ADAMTS2: variants seen among roughly 807,000 people sequenced by gnomAD.
The protein encoded by ADAMTS2 is A disintegrin and metalloproteinase with thrombospondin motifs 2.
A neutral mutation model predicts 123.0 loss-of-function variants in ADAMTS2; 50 were observed. The ratio of observed to expected loss-of-function variants is 0.41; its 90% CI spans 0.32 to 0.51. The LOEUF (loss-of-function observed/expected upper bound fraction) is 0.51. ADAMTS2 is among the 20% of genes least tolerant of loss of function. The pLI is 0.35. For missense variants in ADAMTS2, 1,494 were observed against 1,705.2 expected, an observed-to-expected ratio of 0.88 and a Z score of 2.18; for synonymous variants, 678 against 695.4, an observed-to-expected ratio of 0.98 and a Z score of 0.39.
chr5:179,232,501 A>G (rs528623081), intron 3 of ADAMTS2, among the ~76,000 whole-genome samples: 1 of 152,340 alleles, frequency 6.6e-6, no homozygotes, highest in South Asian at 2.1e-4. Flanking sequence ...GAACCCTGGC[A>G]TGGCTACCAA....
At position 179,132,846 on chromosome 5, in the gene ADAMTS2, C is replaced by A. The variant is rs574735794; in HGVS notation, c.2140G>T (p.Val714Leu). The A allele has an allele frequency of 1.9e-6, 3 of 1,614,068 alleles. No individual in the cohort carries two copies. The highest frequency in any genetic ancestry group is 2.5e-6 in the Non-Finnish European group (3 of 1,180,012). ...GSSKQEDKCGVCGGDNSHCKV... is the reference protein window; with the variant it reads ...GSSKQEDKCGLCGGDNSHCKV... ...CAGTGGCTGTTGTCCCCTCCGCACA[C>A]GCCACACTTGTCTTCCTGCTTGCTG... The change falls in exon 14 of 22, where the codon GTG becomes TTG. Residue 714 changes from valine to leucine, a missense_variant. This residue lies in a region of ADAMTS2 where 953 missense variants were observed against 1,124.7 expected (regional missense o/e 0.85). Transcript: ENST00000251582. This position sits in a 1 kb window ranked among gnomAD's most constrained non-coding sequence, Gnocchi z 6.1.
chr5:179,223,320 ACACT>A (rs1765172767), intron 3 of ADAMTS2, among the ~76,000 whole-genome samples: 1 of 150,826 alleles, frequency 6.6e-6, no homozygotes, highest in Non-Finnish European at 1.5e-5. Context: ...ACACACATGC[ACACT>A]CACACAAATG....
At chr5:179,172,695 G>T (rs932159190) in intron 5 of ADAMTS2, among the ~76,000 whole-genome samples, 2 of 152,208 alleles carry the variant, frequency 1.3e-5, no homozygotes, top group African/African-American at 4.8e-5. Context: ...ACGTGCCAAG[G>T]GAAAGCATGA....
At chr5:179,131,963 GAGGGACACATGTTTTGC>G (rs1356164848) in intron 15 of ADAMTS2, among the ~76,000 whole-genome samples, 2 of 152,218 alleles carry the variant, frequency 1.3e-5, no homozygotes, top group African/African-American at 4.8e-5. Flanking sequence ...CCTGTAGACT[GAGGGACACATGTTTTGC>G]ATATATGTCC....
intron 4 of ADAMTS2, among the ~76,000 whole-genome samples, chr5:179,206,606 G>A (rs545763131): frequency 1.4e-4 from 22 of 152,208 alleles, no homozygotes; most frequent in Admixed American, 5.9e-4. Context: ...ATTCCAGGCC[G>A]TGCCCTGGTC....
rs1480384979 is a variant in ADAMTS2 at position 179,128,754 on chromosome 5, C to T, written c.2458-636G>A. On this transcript the variant is annotated intron_variant, in intron 16 of 21. Transcript: ENST00000251582. This position sits in a 1 kb window ranked among gnomAD's most constrained non-coding sequence, Gnocchi z 4.9. ...TTTACTGTGATTCATTAACACTGAA[C>T]TCACAGTCAATCGCACTGCAGCCCA... Among the ~76,000 whole-genome samples the T allele has an allele frequency of 6.6e-6, 1 of 152,176 alleles. No individual in the cohort carries two copies. The highest frequency in any genetic ancestry group is 2.4e-5 in the African/African-American group (1 of 41,438).
At chr5:179,286,092 T>C (rs906856941) in intron 2 of ADAMTS2, among the ~76,000 whole-genome samples, 3 of 151,978 alleles carry the variant, frequency 2.0e-5, no homozygotes, top group South Asian at 2.1e-4. Flanking sequence ...TGGGCGTCTG[T>C]AGTCCCAGCT....
intron 12 of ADAMTS2, 66 bp from the exon 13 acceptor site, chr5:179,136,108 G>A: frequency 6.2e-7 from 1 of 1,612,124 alleles, no homozygotes; most frequent in Non-Finnish European, 8.5e-7. Context: ...GTGCAAAGGA[G>A]GCACCAAGCA....
intron 4 of ADAMTS2, among the ~76,000 whole-genome samples, chr5:179,200,323 A>G (rs1764533155): frequency 7.4e-6 from 1 of 134,826 alleles, no homozygotes; most frequent in African/African-American, 2.9e-5. Context: ...ACCTCAGCTC[A>G]CCGCAACCTC....
At position 179,154,884 on chromosome 5, in the gene ADAMTS2, G is replaced by A. The variant is rs781106942; in HGVS notation, c.1168C>T (p.Arg390Cys). ...TCCTCATGGTTCAGGGTGCAGCTGCGGACCGGATGGCACATGCCGGTGACA... is the reference window on the plus strand; with the variant it reads ...TCCTCATGGTTCAGGGTGCAGCTGCAGACCGGATGGCACATGCCGGTGACA... ...APVTGMCHPV[R>C]SCTLNHEDGF... The change falls in exon 7 of 22, where the codon CGC becomes TGC. Residue 390 changes from arginine (R) to cysteine (C), a missense_variant. Arg to Cys is a radical substitution (Grantham distance 180). Coordinates refer to ENST00000251582, the MANE Select transcript of ADAMTS2 (RefSeq NM_014244.5). 5.0e-6 allele frequency: 8 copies of A among 1,613,664 alleles called. No individual in the cohort carries two copies. The highest frequency in any genetic ancestry group is 2.2e-5 in the South Asian group (2 of 90,992).
chr5:179,154,213 GGCT>G, intron 7 of ADAMTS2, 21 bp from the exon 8 acceptor site: 1 of 1,542,360 alleles, frequency 6.5e-7, no homozygotes, highest in African/African-American at 1.4e-5. Context: ...CGAGGCAGCT[GGCT>G]GAATCCCACT....
At chr5:179,161,465 G>A (rs1421462182) in intron 5 of ADAMTS2, among the ~76,000 whole-genome samples, 3 of 152,172 alleles carry the variant, frequency 2.0e-5, no homozygotes, top group African/African-American at 7.2e-5. Context: ...AATACTGCAC[G>A]CTCTCACTCA....
intron 3 of ADAMTS2, among the ~76,000 whole-genome samples, chr5:179,215,720 C>A (rs1764966440): frequency 6.6e-6 from 1 of 152,154 alleles, no homozygotes; most frequent in African/African-American, 2.4e-5. Context: ...AAAGCTGAAT[C>A]CCAGGCTGGC....
intron 5 of ADAMTS2, among the ~76,000 whole-genome samples, chr5:179,164,548 G>A (rs913768976): frequency 9.2e-5 from 14 of 152,206 alleles, no homozygotes; most frequent in African/African-American, 1.4e-4. Context: ...AAGAGGCGGC[G>A]CGGGAAGGGG....
Position 179,345,199 on chromosome 5 carries a change from C to A in ADAMTS2, c.130G>T (p.Asp44Tyr). The change falls in exon 1 of 22, where the codon GAC becomes TAC. Residue 44 changes from aspartate (D) to tyrosine (Y), a missense_variant. Coordinates refer to ENST00000251582, the MANE Select transcript of ADAMTS2 (RefSeq NM_014244.5). This position sits in a 1 kb window ranked among gnomAD's most constrained non-coding sequence, Gnocchi z 7.5. ...GCCGGGCCGCACCTACCTGGGGGGT[C>A]GGCGGCGGCGGCGAGCCTGGCGTTC... The part of the protein sequence containing the change: ...PANARLAAAA[D>Y]PPGGPLGHGA... 9.0e-7 allele frequency: 1 copy of A among 1,106,044 alleles called. No homozygotes were observed. The highest frequency in any genetic ancestry group is 1.1e-6 in the Non-Finnish European group (1 of 913,444). The allele number at this position is 1,106,044 out of a possible 1,614,324, so 68.5% of individuals were successfully genotyped here.
intron 19 of ADAMTS2, 131 bp downstream of exon 19, chr5:179,124,842 T>C: frequency 1.3e-6 from 2 of 1,598,620 alleles, no homozygotes; most frequent in South Asian, 1.1e-5. Flanking sequence ...CCGGGCGTCA[T>C]TGCAGTGCTT....
At chr5:179,209,101 A>G (rs1019363927) in intron 3 of ADAMTS2, among the ~76,000 whole-genome samples, 2 of 152,226 alleles carry the variant, frequency 1.3e-5, no homozygotes, top group Non-Finnish European at 1.5e-5. Context: ...AGGCCCCTGC[A>G]GGCGGCACGG....
chr5:179,241,190 C>A lies in ADAMTS2; in HGVS notation c.688+31721G>T, dbSNP rs74681037. Among the ~76,000 whole-genome samples the A allele has an allele frequency of 8.8e-3, 1,345 of 152,306 alleles. 15 individuals carry two copies. Among genetic ancestry groups the A allele is most frequent in the African/African-American group, 0.03 (1,247 of 41,566 alleles). On this transcript the variant is annotated intron_variant, in intron 3 of 21. Coordinates refer to ENST00000251582, the MANE Select transcript of ADAMTS2 (RefSeq NM_014244.5). ...GAGTGAACCTTCGAGAACCGGAGGC[C>A]ATGCCACTGCCTTGTTTCGGGTGGA...
chr5:179,307,359 G>T lies in ADAMTS2; in HGVS notation c.535-34295C>A, dbSNP rs909893324. ...ACCCGGCCAACCCTGGGTGGCCACT[G>T]CTCAGCACTCCAGGACAGCTCCATG... On this transcript the variant is annotated intron_variant, in intron 2 of 21. Coordinates refer to ENST00000251582, the MANE Select transcript of ADAMTS2 (RefSeq NM_014244.5). This position sits in a 1 kb window ranked among gnomAD's most constrained non-coding sequence, Gnocchi z 5.6. Among the ~76,000 whole-genome samples, 1 of 152,154 alleles carries T rather than the reference G, an allele frequency of 6.6e-6. No homozygotes were observed. The highest frequency in any genetic ancestry group is 2.4e-5 in the African/African-American group (1 of 41,436).
Sources: allele counts gnomAD v4.1 joint callset (sites outside exome capture counted in the v4.1 genomes callset), GRCh38; gene constraint gnomAD v4.1.1; regional missense constraint gnomAD v4.1.1; non-coding constraint Gnocchi (gnomAD v3.1); transcripts MANE v1.5; gene names NCBI Gene and HGNC (gene_info 2026-07-23, HGNC 2026-07-21).